CDH8: variants seen among roughly 807,000 people sequenced by gnomAD.
The protein encoded by CDH8 is cadherin 8, also known as cadherin-8.
CDH8 carries 17 observed loss-of-function variants against 68.1 expected under a neutral mutation model. That is an observed-to-expected ratio of 0.25 (90% CI 0.17 to 0.37). The LOEUF (loss-of-function observed/expected upper bound fraction) is 0.37, where lower values mean the gene tolerates loss of function less well. CDH8 is among the 10% of genes least tolerant of loss of function. CDH8 has a pLI of 1.00. For synonymous variants in CDH8, 372 were observed against 365.1 expected, an observed-to-expected ratio of 1.02 and a Z score of -0.21; for missense variants, 763 against 999.3, an observed-to-expected ratio of 0.76 and a Z score of 3.19.
intron 3 of CDH8, among the ~76,000 whole-genome samples, chr16:61,875,724 T>C (rs1963446593): frequency 6.6e-6 from 1 of 152,192 alleles, no homozygotes; most frequent in African/African-American, 2.4e-5. Context: ...ACGTATGCAT[T>C]TTAAACTTTT....
At chr16:61,972,033 G>C (rs1965348527) in intron 2 of CDH8, among the ~76,000 whole-genome samples, 1 of 152,120 alleles carries the variant, frequency 6.6e-6, no homozygotes, top group African/African-American at 2.4e-5. Flanking sequence ...ACCTTGAATT[G>C]TAATAATCCC....
chr16:62,015,018 A>AAC (rs138124538), intron 2 of CDH8, among the ~76,000 whole-genome samples: 67 of 150,530 alleles, frequency 4.5e-4, no homozygotes, highest in South Asian at 1.0e-3. Flanking sequence ...CCCCACCACA[A>AAC]ACACACACAC....
intron 7 of CDH8, among the ~76,000 whole-genome samples, chr16:61,815,842 A>T (rs540947429): frequency 1.3e-4 from 20 of 152,262 alleles, no homozygotes; most frequent in African/African-American, 3.9e-4. Flanking sequence ...TGAGAAACAT[A>T]GGAACAGGGC....
intron 10 of CDH8, chr16:61,710,850 T>C (rs1414397938): frequency 5.3e-5 from 8 of 151,994 alleles, no homozygotes; most frequent in Non-Finnish European, 1.0e-4. Context: ...ACTTTTTTTC[T>C]TCCCTGTCTT....
At chr16:61,751,830 GTTA>G (rs1960174958) in intron 8 of CDH8, among the ~76,000 whole-genome samples, 1 of 151,944 alleles carries the variant, frequency 6.6e-6, no homozygotes, top group African/African-American at 2.4e-5. Flanking sequence ...AACTAAGCAC[GTTA>G]TTATACTACC....
At position 61,710,690 on chromosome 16, in the gene CDH8, G is replaced by A. The variant is rs1339210951; in HGVS notation, c.1654+3151C>T. ...TTACACACATGATTTAAAAATTGCG[G>A]TATAAACCATGAGGGCTCCCATTTC... On this transcript the variant is annotated intron_variant, in intron 10 of 11. Transcript: ENST00000577390. 3 of 151,946 alleles carry A rather than the reference G, an allele frequency of 2.0e-5. No homozygotes were observed. The East Asian group carries it at 5.8e-4, about 30-fold the overall frequency. 9.4% of individuals were successfully genotyped at this position (151,946 alleles called of 1,614,324 possible). A position where few individuals can be genotyped will look rare whatever the true frequency, so the allele number is the denominator to read the frequency against.
chr16:61,829,216 T>G (rs1962404929), intron 4 of CDH8, among the ~76,000 whole-genome samples: 1 of 151,824 alleles, frequency 6.6e-6, no homozygotes, highest in African/African-American at 2.4e-5. Flanking sequence ...AGAGATATCG[T>G]TAAAGTAAAA....
intron 8 of CDH8, among the ~76,000 whole-genome samples, chr16:61,781,292 A>C (rs952984468): frequency 6.6e-6 from 1 of 152,186 alleles, no homozygotes; most frequent in East Asian, 1.9e-4. Context: ...ATGGATATTT[A>C]AGTAAAGGAG....
chr16:61,765,102 A>G (rs1244141680), intron 8 of CDH8, among the ~76,000 whole-genome samples: 1 of 152,116 alleles, frequency 6.6e-6, no homozygotes, highest in East Asian at 1.9e-4. Flanking sequence ...AATTTTCAGT[A>G]GAACTACGAC....
chr16:62,026,524 A>G (rs1363268879), intron 1 of CDH8, among the ~76,000 whole-genome samples: 1 of 152,220 alleles, frequency 6.6e-6, no homozygotes, highest in Non-Finnish European at 1.5e-5. Flanking sequence ...ATTGAATGTC[A>G]TGCCATGAAC....
intron 3 of CDH8, among the ~76,000 whole-genome samples, chr16:61,862,648 T>A (rs555583440): frequency 6.6e-6 from 1 of 152,264 alleles, no homozygotes; most frequent in South Asian, 2.1e-4. Flanking sequence ...GTTTTGTGGG[T>A]GCATTTGTCA....
intron 2 of CDH8, among the ~76,000 whole-genome samples, chr16:62,015,257 A>T (rs1037922486): frequency 4.6e-5 from 7 of 152,194 alleles, no homozygotes; most frequent in African/African-American, 2.4e-5. Context: ...AATGAATTTC[A>T]TGTTTAGACT....
chr16:61,986,314 A>G (rs897560785), intron 2 of CDH8, among the ~76,000 whole-genome samples: 4 of 152,116 alleles, frequency 2.6e-5, no homozygotes, highest in African/African-American at 9.7e-5. Context: ...TGCATAGTAG[A>G]CTCAAGGGTA....
intron 8 of CDH8, among the ~76,000 whole-genome samples, chr16:61,730,446 A>G (rs1047727638): frequency 6.6e-6 from 1 of 151,444 alleles, no homozygotes; most frequent in African/African-American, 2.4e-5. Context: ...TCTGCAAGCG[A>G]CTAATGTTTT....
Position 61,901,476 on chromosome 16 carries a change from G to A in CDH8, c.253-3C>T. On this transcript the variant is annotated splice_polypyrimidine_tract_variant and splice_region_variant and intron_variant, in intron 2 of 11. Transcript: ENST00000577390. The stretch of plus-strand genomic sequence containing the variant: ...CCAGGATCCAGGTCTGTGTGTAGCT[G>A]AAATGAAAAATGGCATTAGTTAGTG... 1 of 1,598,526 alleles carries A rather than the reference G, an allele frequency of 6.3e-7. No homozygotes were observed. Among genetic ancestry groups the A allele is most frequent in the Non-Finnish European group, 8.5e-7 (1 of 1,170,630 alleles).
At position 62,036,174 on chromosome 16, in the gene CDH8, C is replaced by G. The variant is rs769596507; in HGVS notation, c.-294G>C. 1.3e-5 allele frequency: 2 copies of G among 152,280 alleles called. No homozygotes were observed. Among genetic ancestry groups the G allele is most frequent in the Non-Finnish European group, 2.9e-5 (2 of 68,116 alleles). 9.4% of individuals were successfully genotyped at this position (152,280 alleles called of 1,614,324 possible). On this transcript the variant is annotated 5_prime_UTR_variant, in exon 1 of 12. Coordinates refer to ENST00000577390, the MANE Select transcript of CDH8 (RefSeq NM_001796.5). ...AGCTCCCGAGGGCGGCAAGCGCCGA[C>G]CGGTCCTCGCTCGCTAGGCAGGCGC... is the stretch of plus-strand genomic sequence containing the variant.
At chr16:61,936,457 A>G (rs1964628625) in intron 2 of CDH8, among the ~76,000 whole-genome samples, 1 of 152,336 alleles carries the variant, frequency 6.6e-6, no homozygotes, top group African/African-American at 2.4e-5. Flanking sequence ...GCCAAAAATC[A>G]TTAGTTTTCT....
chr16:61,722,478 G>T (rs1388895982), intron 9 of CDH8, among the ~76,000 whole-genome samples: 2 of 150,416 alleles, frequency 1.3e-5, no homozygotes, highest in Non-Finnish European at 3.0e-5. Flanking sequence ...AATAATTTTT[G>T]ACCCTTTCAC....
intron 2 of CDH8, among the ~76,000 whole-genome samples, chr16:61,971,917 G>A (rs576974005): frequency 6.6e-5 from 10 of 152,242 alleles, no homozygotes; most frequent in Non-Finnish European, 1.0e-4. Flanking sequence ...AAAAAAATTT[G>A]AATCTCTAAG....
Sources: gnomAD v4.1 joint callset for allele counts (sites outside exome capture counted in the v4.1 genomes callset) on GRCh38, gnomAD v4.1.1 for gene constraint, MANE v1.5 for transcripts, NCBI Gene and HGNC (gene_info 2026-07-23, HGNC 2026-07-21) for gene names.